HEPH: variants seen among roughly 807,000 people sequenced by gnomAD.
The protein encoded by HEPH is hephaestin.
HEPH carries 69 observed loss-of-function variants against 80.8 expected under a neutral mutation model. That is an observed-to-expected ratio of 0.85 (90% CI 0.70 to 1.04). The LOEUF (loss-of-function observed/expected upper bound fraction) is 1.04. Ranked by LOEUF, HEPH falls within the 50% of genes least tolerant of loss-of-function variation. The pLI is 0.00. For synonymous variants in HEPH, 431 were observed against 322.8 expected (o/e 1.34, Z -3.60); for missense variants, 1,115 against 891.3 (o/e 1.25, Z -3.20).
chrX:66,186,563 C>T (rs763672499), intron 4 of HEPH, among the ~76,000 whole-genome samples: 36 of 112,749 alleles, frequency 3.2e-4, no homozygotes, highest in Non-Finnish European at 5.4e-4. Context: ...CTTCGGCTCG[C>T]GCATGGTGCG....
rs144644060 is a variant in HEPH at position 66,171,196 on chromosome X, T to C, written c.167+459T>C. On this transcript the variant is annotated intron_variant, in intron 2 of 20. Coordinates refer to ENST00000343002, the MANE Select transcript of HEPH (RefSeq NM_001367233.3). ...AATTAATGGTAATAATTCTCACTTATGTAATACTCTGTGACACAGACCATA... is the reference window on the plus strand; with the variant it reads ...AATTAATGGTAATAATTCTCACTTACGTAATACTCTGTGACACAGACCATA... 3.0e-3 allele frequency: 883 copies of C among 290,843 alleles called. 9 individuals are homozygous for C. The highest frequency in any genetic ancestry group is 0.022 in the African/African-American group (769 of 35,415). 24.0% of individuals were successfully genotyped at this position (290,843 alleles called of 1,213,427 possible).
At chrX:66,217,223 A>G (rs1275415171) in intron 15 of HEPH, among the ~76,000 whole-genome samples, 2 of 111,342 alleles carry the variant, frequency 1.8e-5, no homozygotes, top group African/African-American at 6.5e-5. Context: ...GCCTAGGTAC[A>G]TAGCTGTCAG....
chrX:66,163,269 T>G (rs1210007661), upstream of HEPH, among the ~76,000 whole-genome samples: 1 of 111,366 alleles, frequency 9.0e-6, no homozygotes, highest in Non-Finnish European at 1.9e-5. Context: ...GACAGTGACT[T>G]TTCACTCTTC....
intron 15 of HEPH, among the ~76,000 whole-genome samples, chrX:66,209,414 C>T (rs1193331950): frequency 1.8e-5 from 2 of 111,826 alleles, no homozygotes; most frequent in Non-Finnish European, 3.8e-5. Context: ...CAGGAATTTG[C>T]TCATTCAAAT....
At chrX:66,246,639 G>A (rs1009633479) in intron 15 of HEPH, among the ~76,000 whole-genome samples, 7 of 111,379 alleles carry the variant, frequency 6.3e-5, no homozygotes, top group Middle Eastern at 9.3e-3. Context: ...TCTTGCATAG[G>A]CTCCTGTGGA....
chrX:66,189,683 G>A lies in HEPH; in HGVS notation c.809-1G>A, dbSNP rs1395821791. 2.5e-6 allele frequency: 3 copies of A among 1,203,455 alleles called. No individual in the cohort carries two copies. Among genetic ancestry groups the A allele is most frequent in the Non-Finnish European group, 3.4e-6 (3 of 889,560 alleles). On this transcript the variant is annotated splice_acceptor_variant, in intron 5 of 20. Transcript: ENST00000343002. LOFTEE classifies it high-confidence loss of function. ...TATTTTCTTTGGGTTTTCTTTTGCA[G>A]CAATCAATGGCTTTGTTTTTGGGAA...
chrX:66,180,399 G>A (rs1005309430), intron 4 of HEPH, among the ~76,000 whole-genome samples: 4 of 110,861 alleles, frequency 3.6e-5, no homozygotes, highest in Admixed American at 9.7e-5. Context: ...ATTCTCGGCT[G>A]ATAATTGTTT....
intron 11 of HEPH, among the ~76,000 whole-genome samples, chrX:66,199,930 G>GGTGT (rs368884963): frequency 3.7e-5 from 4 of 108,608 alleles, no homozygotes; most frequent in African/African-American, 1.0e-4. Context: ...ACAGGACAAT[G>GGTGT]GTGTGTGTGT....
At chrX:66,201,872 G>GA (rs2088477369) in intron 12 of HEPH, among the ~76,000 whole-genome samples, 1 of 112,134 alleles carries the variant, frequency 8.9e-6, no homozygotes, top group Non-Finnish European at 1.9e-5. Flanking sequence ...AATTTTGAAG[G>GA]AATTGCTGAT....
At chrX:66,197,244 A>G in intron 9 of HEPH, among the ~76,000 whole-genome samples, 1 of 110,459 alleles carries the variant, frequency 9.1e-6, no homozygotes, top group East Asian at 2.8e-4. Flanking sequence ...TACATAATAC[A>G]TATTAAAAGA....
At position 66,193,646 on chromosome X, in the gene HEPH, A is replaced by G; in HGVS notation, c.1369+8A>G. 2 of 1,163,326 alleles carry G rather than the reference A, an allele frequency of 1.7e-6. No homozygotes were observed. Among genetic ancestry groups the G allele is most frequent in the Non-Finnish European group, 2.3e-6 (2 of 866,165 alleles). On this transcript the variant is annotated splice_region_variant and intron_variant, in intron 8 of 20. Transcript: ENST00000343002. Reference sequence around the variant, plus strand: ...GGCATCTTGGAATCCTGGGTGAGGAATTTTTAAATTATGAAATTCATTTAC... The same window carrying G: ...GGCATCTTGGAATCCTGGGTGAGGAGTTTTTAAATTATGAAATTCATTTAC...
At position 66,263,791 on chromosome X, in the gene HEPH, A is replaced by G. The variant is rs1409164353; in HGVS notation, c.3244+103A>G. The G allele has an allele frequency of 6.7e-6, 5 of 744,163 alleles. No homozygotes were observed. In the African/African-American group the frequency reaches 1.1e-4, roughly 16 times the overall value. The allele number at this position is 744,163 out of a possible 1,213,427, so 61.3% of individuals were successfully genotyped here. The stretch of plus-strand genomic sequence containing the variant: ...TATGGGACTTATGTGACTGAGAGTT[A>G]GAATACATCAGCAGAAAGTATCCTG... On this transcript the variant is annotated intron_variant, in intron 20 of 20. Transcript: ENST00000343002.
Position 66,226,195 on chromosome X carries a change from G to T in HEPH, c.2563+17949G>T, listed in dbSNP as rs561350195. 2.7e-5 allele frequency among the ~76,000 whole-genome samples: 3 copies of T among 111,923 alleles called. No homozygotes were observed. The Admixed American group carries it at 2.8e-4, about 11-fold the overall frequency. On this transcript the variant is annotated intron_variant, in intron 15 of 20. Coordinates refer to ENST00000343002, the MANE Select transcript of HEPH (RefSeq NM_001367233.3). Reference sequence around the variant, plus strand: ...ACTACCAGGCCCAGGGTGTGGTGCCGGGCTGTCTGCTTATGGAATTCATTT... The same window carrying T: ...ACTACCAGGCCCAGGGTGTGGTGCCTGGCTGTCTGCTTATGGAATTCATTT...
chrX:66,241,331 C>G (rs928985606), intron 15 of HEPH, among the ~76,000 whole-genome samples: 3 of 111,513 alleles, frequency 2.7e-5, no homozygotes, highest in African/African-American at 9.8e-5. Context: ...GATAAAGAAG[C>G]AATACCCAAT....
At chrX:66,261,627 C>G (rs1450042168) in intron 19 of HEPH, among the ~76,000 whole-genome samples, 1 of 108,462 alleles carries the variant, frequency 9.2e-6, no homozygotes, top group African/African-American at 3.4e-5. Context: ...CATTGGCATT[C>G]TATCAACAAG....
At chrX:66,253,118 G>C (rs780948153) in intron 15 of HEPH, among the ~76,000 whole-genome samples, 116 of 112,307 alleles carry the variant, frequency 1.0e-3, no homozygotes, top group African/African-American at 3.5e-3. Context: ...TTTGAAATAT[G>C]CTTTAAAGGA....
intron 9 of HEPH, among the ~76,000 whole-genome samples, chrX:66,196,309 G>C (rs377548008): frequency 9.0e-6 from 1 of 111,320 alleles, no homozygotes; most frequent in Non-Finnish European, 1.9e-5. Flanking sequence ...TATACACATA[G>C]AGTAGATAAA....
chrX:66,228,845 A>G (rs1173432063), intron 15 of HEPH, among the ~76,000 whole-genome samples: 1 of 112,134 alleles, frequency 8.9e-6, no homozygotes, highest in Non-Finnish European at 1.9e-5. Context: ...TACTTCTGCA[A>G]GAATGGCCAT....
At chrX:66,207,563 A>G (rs2088861160) in intron 14 of HEPH, among the ~76,000 whole-genome samples, 1 of 111,977 alleles carries the variant, frequency 8.9e-6, no homozygotes, top group African/African-American at 3.2e-5. Context: ...GCTTCAAGGT[A>G]TGAGTCTCTG....
Sources: allele counts gnomAD v4.1 joint callset (sites outside exome capture counted in the v4.1 genomes callset), GRCh38; gene constraint gnomAD v4.1.1; transcripts MANE v1.5; gene names NCBI Gene and HGNC (gene_info 2026-07-23, HGNC 2026-07-21).